NPSR1: variants seen among roughly 807,000 people sequenced by gnomAD.
NPSR1 encodes the protein neuropeptide S receptor.
In NPSR1, 48 loss-of-function variants were observed where a neutral mutation model predicts 46.9. The observed-to-expected ratio is 1.02, with a 90% confidence interval of 0.81 to 1.30. NPSR1 has a LOEUF of 1.30. NPSR1 is among the 50% of genes most tolerant of loss of function. The pLI, the probability that NPSR1 is intolerant of heterozygous loss-of-function variation, is 0.00. For missense variants in NPSR1, 450 were observed against 449.5 expected, an observed-to-expected ratio of 1.00 and a Z score of -0.01; for synonymous variants, 176 against 168.1, an observed-to-expected ratio of 1.05 and a Z score of -0.36.
At chr7:34,752,357 T>A (rs536600268) in intron 2 of NPSR1, among the ~76,000 whole-genome samples, 9 of 152,200 alleles carry the variant, frequency 5.9e-5, no homozygotes, top group Middle Eastern at 3.4e-3. Context: ...CCTTCAGACC[T>A]CCAATAAACT....
At chr7:34,668,379 T>A (rs1233206337) in intron 1 of NPSR1, among the ~76,000 whole-genome samples, 1 of 152,222 alleles carries the variant, frequency 6.6e-6, no homozygotes, top group Non-Finnish European at 1.5e-5. Context: ...CCTTTTCCAA[T>A]GTATTTAGTC....
intron 3 of NPSR1, among the ~76,000 whole-genome samples, chr7:34,793,177 C>A (rs1788020048): frequency 6.6e-6 from 1 of 151,824 alleles, no homozygotes; most frequent in Non-Finnish European, 1.5e-5. Flanking sequence ...ACAAAAAGCA[C>A]AGGCAACAAA....
intron 2 of NPSR1, among the ~76,000 whole-genome samples, chr7:34,742,674 G>A (rs1339777189): frequency 6.6e-6 from 1 of 152,048 alleles, no homozygotes; most frequent in East Asian, 1.9e-4. Flanking sequence ...ATTTCTCTGG[G>A]TATATATCCA....
intron 3 of NPSR1, among the ~76,000 whole-genome samples, chr7:34,792,715 T>TTTTATATATATATGTATATATATATTTA (rs1554331562): frequency 3.0e-5 from 3 of 98,926 alleles, no homozygotes; most frequent in African/African-American, 1.2e-4. Context: ...ATATATATAT[T>TTTTATATATATATGTATATATATATTTA]TATATATATA....
intron 3 of NPSR1, among the ~76,000 whole-genome samples, chr7:34,808,519 G>A (rs1280428941): frequency 1.3e-5 from 2 of 152,064 alleles, no homozygotes; most frequent in Non-Finnish European, 2.9e-5. Context: ...TTCCTGAAAT[G>A]TTCCATAGTC....
chr7:34,689,537 G>T (rs1204712760), intron 2 of NPSR1, among the ~76,000 whole-genome samples: 1 of 140,566 alleles, frequency 7.1e-6, no homozygotes. Context: ...CCCAGGAGGT[G>T]GAGCTTGCAG....
Position 34,844,460 on chromosome 7 carries a change from T to G in NPSR1, c.758-436T>G, listed in dbSNP as rs148313121. 4.7e-4 allele frequency among the ~76,000 whole-genome samples: 71 copies of G among 151,358 alleles called. No homozygotes were observed. The East Asian group carries it at 6.8e-3, about 14-fold the overall frequency. On this transcript the variant is annotated intron_variant, in intron 6 of 8. Transcript: ENST00000360581. ...CGTTTTTTTGTTTTTGTTTTTTTGTTTTTTTTTTGATGAATGTATTTGTCT... is the reference window on the plus strand; with the variant it reads ...CGTTTTTTTGTTTTTGTTTTTTTGTGTTTTTTTTGATGAATGTATTTGTCT...
intron 2 of NPSR1, chr7:34,710,786 T>C: frequency 2.0e-6 from 1 of 492,050 alleles, no homozygotes; most frequent in Non-Finnish European, 3.8e-6. Context: ...AAGAAATGTT[T>C]CCTGCTGTGC....
At chr7:34,850,692 G>T (rs1007556204), downstream of NPSR1, among the ~76,000 whole-genome samples, 2 of 152,050 alleles carry the variant, frequency 1.3e-5, no homozygotes, top group Non-Finnish European at 2.9e-5. Flanking sequence ...GAGCCACCGC[G>T]CCCGGCCTGT....
At chr7:34,807,975 C>A (rs11973406) in intron 3 of NPSR1, among the ~76,000 whole-genome samples, 5,498 of 150,334 alleles carry the variant, frequency 0.037, 326 homozygotes, top group African/African-American at 0.13. Flanking sequence ...GGGAACTTCA[C>A]AAATGTAATC....
intron 3 of NPSR1, among the ~76,000 whole-genome samples, chr7:34,794,467 A>G (rs915433108): frequency 6.6e-6 from 1 of 152,194 alleles, no homozygotes; most frequent in Non-Finnish European, 1.5e-5. Flanking sequence ...TCCTTGAAAG[A>G]TACAGTCTAT....
At chr7:34,790,724 T>TTATATGTTATGTTATATATAA (rs1787714471) in intron 3 of NPSR1, among the ~76,000 whole-genome samples, 2 of 112,820 alleles carry the variant, frequency 1.8e-5, no homozygotes, top group Non-Finnish European at 3.7e-5. Flanking sequence ...ATAATATATG[T>TTATATGTTATGTTATATATAA]TATATGTTAT....
chr7:34,752,198 G>T, intron 2 of NPSR1: 1 of 295,096 alleles, frequency 3.4e-6, no homozygotes, highest in Non-Finnish European at 6.5e-6. Flanking sequence ...AGATGTAAAT[G>T]GTTAACTTCT....
intron 2 of NPSR1, among the ~76,000 whole-genome samples, chr7:34,742,343 C>G (rs1048215945): frequency 6.6e-6 from 1 of 152,178 alleles, no homozygotes. Flanking sequence ...AAGTAGACTA[C>G]AGTGTCTTGT....
rs536891250 is a variant in NPSR1, at chr7:34,818,637, C to T, written c.478+6774C>T. Among the ~76,000 whole-genome samples the T allele has an allele frequency of 6.2e-3, 947 of 152,272 alleles. 5 individuals carry two copies. The highest frequency in any genetic ancestry group is 0.022 in the African/African-American group (908 of 41,558). ...ACAATCCTAAGCAAAAAGAACAAAG[C>T]TGGAGACATCAAGCTACCTGACTTC... is the stretch of plus-strand genomic sequence containing the variant. On this transcript the variant is annotated intron_variant, in intron 4 of 8. Transcript: ENST00000360581.
At chr7:34,815,129 A>G (rs1215301291) in intron 4 of NPSR1, among the ~76,000 whole-genome samples, 5 of 152,214 alleles carry the variant, frequency 3.3e-5, no homozygotes, top group Non-Finnish European at 7.3e-5. Context: ...CCTCCGAGCT[A>G]AAGGAGCATG....
At chr7:34,752,663 C>T (rs1247144826) in intron 2 of NPSR1, among the ~76,000 whole-genome samples, 2 of 152,138 alleles carry the variant, frequency 1.3e-5, no homozygotes, top group Non-Finnish European at 2.9e-5. Flanking sequence ...AATGAGAAGC[C>T]TGAATTAGGA....
chr7:34,672,154 T>G (rs1792091675), intron 1 of NPSR1, among the ~76,000 whole-genome samples: 1 of 152,226 alleles, frequency 6.6e-6, no homozygotes, highest in Non-Finnish European at 1.5e-5. Context: ...CAGTTCTTGT[T>G]ATGTAGCTGA....
chr7:34,869,419 C>T (rs2128769739), intron 8 of NPSR1, among the ~76,000 whole-genome samples: 1 of 151,748 alleles, frequency 6.6e-6, no homozygotes, highest in East Asian at 1.9e-4. Context: ...TTCCCACACA[C>T]CCTCTTCTAT....
Sources: allele counts gnomAD v4.1 joint callset (sites outside exome capture counted in the v4.1 genomes callset), GRCh38; gene constraint gnomAD v4.1.1; transcripts MANE v1.5; gene names NCBI Gene and HGNC (gene_info 2026-07-23, HGNC 2026-07-21).